Variants in AEBP2 observed in about 807,000 individuals in gnomAD.
The protein encoded by AEBP2 is AE binding protein 2.
A neutral mutation model predicts 50.8 loss-of-function variants in AEBP2; 10 were observed. The ratio of observed to expected loss-of-function variants is 0.20; its 90% CI spans 0.12 to 0.33. The LOEUF (loss-of-function observed/expected upper bound fraction) is 0.33. AEBP2 is among the 10% of genes least tolerant of loss of function. The pLI is 1.00. For synonymous variants in AEBP2, 296 were observed against 261.3 expected (o/e 1.13, Z -1.28); for missense variants, 570 against 688.0 (o/e 0.83, Z 1.92).
chr12:19,479,474 A>G (rs979628448), intron 3 of AEBP2, among the ~76,000 whole-genome samples: 18 of 152,176 alleles, frequency 1.2e-4, no homozygotes, highest in African/African-American at 3.9e-4. Context: ...TCACAAAAAG[A>G]TCATCACCTA....
rs546448311 is a variant in AEBP2 at position 19,456,687 on chromosome 12, G to T, written c.672-5823G>T. 4 of 1,575,944 alleles carry T rather than the reference G, an allele frequency of 2.5e-6. No homozygotes were observed. In the African/African-American group the frequency reaches 5.4e-5, roughly 21 times the overall value. On this transcript the variant is annotated intron_variant, in intron 1 of 7. Transcript: ENST00000266508. ...ATTGCCATGACGAACATCCTTGACA[G>T]ACACATTCTTGACATTGAAGCCCAC...
intron 3 of AEBP2, among the ~76,000 whole-genome samples, chr12:19,489,204 A>G (rs1216581255): frequency 6.6e-6 from 1 of 152,262 alleles, no homozygotes; most frequent in Admixed American, 6.5e-5. Context: ...TTAGTAATTT[A>G]TAAACAAAAG....
At chr12:19,445,420 G>T (rs1012668786) in intron 1 of AEBP2, among the ~76,000 whole-genome samples, 1 of 149,648 alleles carries the variant, frequency 6.7e-6, no homozygotes, top group African/African-American at 2.5e-5. Context: ...CACCATGTTG[G>T]CCAGGCTGGT....
rs534388498 is a variant in AEBP2 at position 19,422,568 on chromosome 12, C to T, written c.-17+18352C>T. On this transcript the variant is annotated intron_variant, in intron 1 of 3. Coordinates refer to the AEBP2 transcript ENST00000538425. ...CTGGAGTGCAGTGGTGCAATATTGG[C>T]TCACTGCAACGTCCACCTCCCGGAT... Among the ~76,000 whole-genome samples, 7 of 151,730 alleles carry T rather than the reference C, an allele frequency of 4.6e-5. No individual in the cohort carries two copies. In the South Asian group the frequency reaches 1.5e-3, roughly 32 times the overall value.
intron 1 of AEBP2, among the ~76,000 whole-genome samples, chr12:19,441,362 T>C (rs1357197890): frequency 2.0e-5 from 3 of 152,202 alleles, no homozygotes; most frequent in African/African-American, 7.2e-5. Context: ...TTTAATGTAC[T>C]TTTAAAAAAA....
Position 19,439,716 on chromosome 12 carries a change from C to A in AEBP2, c.17C>A (p.Thr6Asn), listed in dbSNP as rs762856544. 6.6e-7 allele frequency: 1 copy of A among 1,514,234 alleles called. No individual in the cohort carries two copies. The highest frequency in any genetic ancestry group is 1.2e-5 in the South Asian group (1 of 83,168). The allele number at this position is 1,514,234 out of a possible 1,614,324, so 93.8% of individuals were successfully genotyped here. MAAAI[T>N]DMADLEELSR... ...GGCGCCGCCATGGCCGCCGCTATCA[C>A]CGACATGGCCGACCTGGAGGAGCTC... Residue 6 changes from threonine to asparagine, a missense_variant, in exon 1 of 8, where the codon ACC (threonine) becomes AAC (asparagine). Thr to Asn is a moderately conservative substitution (Grantham distance 65, BLOSUM62 0). Coordinates refer to ENST00000266508, the MANE Select transcript of AEBP2 (RefSeq NM_153207.5).
chr12:19,456,328 C>T, intron 1 of AEBP2: 1 of 1,429,678 alleles, frequency 7.0e-7, no homozygotes, highest in Non-Finnish European at 9.8e-7. Context: ...TTGATGACAT[C>T]CACTGCAACT....
At chr12:19,440,982 G>A (rs995956809) in intron 1 of AEBP2, among the ~76,000 whole-genome samples, 1 of 152,208 alleles carries the variant, frequency 6.6e-6, no homozygotes. Context: ...TGTTTTGGGA[G>A]CATATCTGGG....
At chr12:19,508,123 C>T (rs1353955898) in intron 5 of AEBP2, among the ~76,000 whole-genome samples, 5 of 152,288 alleles carry the variant, frequency 3.3e-5, no homozygotes, top group African/African-American at 7.2e-5. Flanking sequence ...TTTGTTTTAG[C>T]AGCTCCAGAC....
intron 1 of AEBP2, among the ~76,000 whole-genome samples, chr12:19,451,932 C>T (rs890232284): frequency 1.3e-5 from 2 of 152,116 alleles, no homozygotes; most frequent in African/African-American, 4.8e-5. Context: ...TGCTCTGTCA[C>T]CCAGACGGGA....
intron 5 of AEBP2, 141 bp from the exon 6 acceptor site, chr12:19,512,257 T>C (rs1278086392): frequency 4.0e-6 from 2 of 504,466 alleles, no homozygotes; most frequent in Admixed American, 3.8e-5. Context: ...CCTGACCTTA[T>C]GATCCACCCG....
chr12:19,417,592 G>T (rs2095743300), intron 1 of AEBP2, among the ~76,000 whole-genome samples: 1 of 151,794 alleles, frequency 6.6e-6, no homozygotes, highest in African/African-American at 2.4e-5. Flanking sequence ...ATTTTTAGTA[G>T]AGACGGGGTT....
chr12:19,493,146 A>C (rs1239872676), intron 3 of AEBP2, among the ~76,000 whole-genome samples: 1 of 152,240 alleles, frequency 6.6e-6, no homozygotes, highest in Non-Finnish European at 1.5e-5. Flanking sequence ...TTACACCTGT[A>C]ATCCCAGCAC....
rs538265101 is a variant in AEBP2, at chr12:19,452,110, C to T, written c.672-10400C>T. On this transcript the variant is annotated intron_variant, in intron 1 of 7. Coordinates refer to ENST00000266508, the MANE Select transcript of AEBP2 (RefSeq NM_153207.5). Reference sequence around the variant, plus strand: ...TTCACCATGTTGGCCAGGCTGGTCTCGAACTCCTGACCTCAAGTGATCCGC... The same window carrying T: ...TTCACCATGTTGGCCAGGCTGGTCTTGAACTCCTGACCTCAAGTGATCCGC... 8.5e-5 allele frequency among the ~76,000 whole-genome samples: 13 copies of T among 152,188 alleles called. No homozygotes were observed. The East Asian group carries it at 2.3e-3, about 27-fold the overall frequency.
At chr12:19,499,938 A>T (rs1187337542) in intron 4 of AEBP2, among the ~76,000 whole-genome samples, 159 bp from the exon 5 acceptor site, 1 of 152,198 alleles carries the variant, frequency 6.6e-6, no homozygotes, top group Non-Finnish European at 1.5e-5. Flanking sequence ...ATGCTTTTGC[A>T]TATTAGTCTT....
At chr12:19,441,317 TATC>T (rs577830546) in intron 1 of AEBP2, among the ~76,000 whole-genome samples, 41 of 152,338 alleles carry the variant, frequency 2.7e-4, no homozygotes, top group East Asian at 2.1e-3. Context: ...TCAATTGTCT[TATC>T]ATTACTTTTG....
chr12:19,441,817 C>T (rs1418277246), intron 1 of AEBP2, among the ~76,000 whole-genome samples: 1 of 152,128 alleles, frequency 6.6e-6, no homozygotes, highest in African/African-American at 2.4e-5. Flanking sequence ...ATTTTATGCT[C>T]CTCTGATACC....
intron 2 of AEBP2, among the ~76,000 whole-genome samples, chr12:19,470,648 G>C (rs1456193918): frequency 6.6e-6 from 1 of 152,098 alleles, no homozygotes; most frequent in Non-Finnish European, 1.5e-5. Flanking sequence ...ACTTAATAAG[G>C]CTGTATCAGA....
chr12:19,435,130 A>T (rs1410288002), upstream of AEBP2, among the ~76,000 whole-genome samples: 2 of 150,434 alleles, frequency 1.3e-5, no homozygotes, highest in Non-Finnish European at 1.5e-5. Flanking sequence ...TACCTGTCAG[A>T]ACTTTTTTTT....
Sources: allele counts gnomAD v4.1 joint callset (sites outside exome capture counted in the v4.1 genomes callset), GRCh38; gene constraint gnomAD v4.1.1; transcripts MANE v1.5; gene names NCBI Gene and HGNC (gene_info 2026-07-23, HGNC 2026-07-21).